SH3GLB1: variants seen among roughly 807,000 people sequenced by gnomAD.
The protein encoded by SH3GLB1 is SH3 domain containing GRB2 like, endophilin B1.
A neutral mutation model predicts 42.0 loss-of-function variants in SH3GLB1; 17 were observed. That is an observed-to-expected ratio of 0.40 (90% CI 0.28 to 0.61). The LOEUF (loss-of-function observed/expected upper bound fraction) is 0.61, where lower values mean the gene tolerates loss of function less well. Among genes scored for constraint, SH3GLB1 ranks in the 20% least tolerant of loss-of-function variants. SH3GLB1 has a pLI of 0.36. For missense variants in SH3GLB1, 355 were observed against 426.3 expected (o/e 0.83, Z 1.47); for synonymous variants, 132 against 146.6 (o/e 0.90, Z 0.72).
rs757116679 is a variant in SH3GLB1 at position 86,705,174 on chromosome 1, C to T, written c.72+203C>T. ...CCCGCTCCTGCCCAACCGCCGCTCCCTGGGAAGCGAGGCGGGGTGGGGACG... is the reference window on the plus strand; with the variant it reads ...CCCGCTCCTGCCCAACCGCCGCTCCTTGGGAAGCGAGGCGGGGTGGGGACG... On this transcript the variant is annotated intron_variant, in intron 1 of 8. Transcript: ENST00000370558. Among the ~76,000 whole-genome samples the T allele has an allele frequency of 3.1e-3, 468 of 151,734 alleles. 1 individual carries two copies. Among genetic ancestry groups the T allele is most frequent in the Non-Finnish European group, 5.9e-3 (402 of 67,612 alleles).
intron 4 of SH3GLB1, 55 bp downstream of exon 4, chr1:86,722,728 T>G: frequency 7.0e-7 from 1 of 1,436,386 alleles, no homozygotes; most frequent in Admixed American, 2.3e-5. Flanking sequence ...ATATATACTT[T>G]TTAATGAATA....
At chr1:86,710,511 C>T (rs537874746) in intron 1 of SH3GLB1, among the ~76,000 whole-genome samples, 1 of 152,166 alleles carries the variant, frequency 6.6e-6, no homozygotes, top group East Asian at 1.9e-4. Context: ...GTGATCCACC[C>T]GCCTCAGCCT....
chr1:86,740,498 C>T (rs1304855006), intron 7 of SH3GLB1, among the ~76,000 whole-genome samples: 2 of 152,122 alleles, frequency 1.3e-5, no homozygotes, highest in African/African-American at 4.8e-5. Flanking sequence ...GAAATGAGAG[C>T]ATATCTAAGA....
In SH3GLB1 at chr1:86,745,920, T is replaced by A. The variant is rs958281416; in HGVS notation, c.*2685T>A. 4 of 152,530 alleles carry A rather than the reference T, an allele frequency of 2.6e-5. No homozygotes were observed. Among genetic ancestry groups the A allele is most frequent in the Admixed American group, 2.6e-4 (4 of 15,264 alleles). 9.4% of individuals were successfully genotyped at this position (152,530 alleles called of 1,614,324 possible). ...AAGGATGCACATATGAATGAAAAAC[T>A]AAAATAATTGTAGGCTCTTCTATAA... On this transcript the variant is annotated 3_prime_UTR_variant, in exon 9 of 9. Transcript: ENST00000370558.
intron 5 of SH3GLB1, among the ~76,000 whole-genome samples, chr1:86,728,898 C>A (rs1484273465): frequency 6.6e-6 from 1 of 152,112 alleles, no homozygotes; most frequent in East Asian, 1.9e-4. Flanking sequence ...CCAAACTCAA[C>A]ATAGAATTAA....
intron 4 of SH3GLB1, among the ~76,000 whole-genome samples, chr1:86,723,279 A>G (rs528802320): frequency 3.9e-5 from 6 of 152,298 alleles, no homozygotes; most frequent in South Asian, 2.1e-4. Flanking sequence ...TGGGAGGTCA[A>G]GGTGGGTGGA....
In SH3GLB1 at chr1:86,735,548, T is replaced by C. The variant is rs11580737; in HGVS notation, c.761+369T>C. Among the ~76,000 whole-genome samples the C allele has an allele frequency of 2.6e-3, 393 of 152,352 alleles. 1 individual carries two copies. The highest frequency in any genetic ancestry group is 4.7e-3 in the Non-Finnish European group (320 of 68,030). ...TATACTTATTCATTACTCATCTGTT[T>C]ACTATATTGAAAAAAAGTTTTAGAA... On this transcript the variant is annotated intron_variant, in intron 7 of 8. Coordinates refer to ENST00000370558, the MANE Select transcript of SH3GLB1 (RefSeq NM_016009.5).
chr1:86,730,306 G>A (rs1356900098), intron 5 of SH3GLB1: 1 of 985,262 alleles, frequency 1.0e-6, no homozygotes, highest in Non-Finnish European at 1.2e-6. Flanking sequence ...CAATGCTGCA[G>A]AGATGTGGTT....
At chr1:86,708,767 T>G (rs1654021016) in intron 1 of SH3GLB1, among the ~76,000 whole-genome samples, 1 of 152,228 alleles carries the variant, frequency 6.6e-6, no homozygotes, top group South Asian at 2.1e-4. Flanking sequence ...ATCCATCTTT[T>G]TAGTCCAAAC....
At chr1:86,712,724 CAT>C (rs1281993359) in intron 1 of SH3GLB1, among the ~76,000 whole-genome samples, 1 of 151,676 alleles carries the variant, frequency 6.6e-6, no homozygotes, top group Non-Finnish European at 1.5e-5. Flanking sequence ...CTGTCTCACT[CAT>C]GTGTAAGGGT....
intron 3 of SH3GLB1, among the ~76,000 whole-genome samples, chr1:86,722,010 C>CTTTTTTT (rs377380040): frequency 9.9e-5 from 11 of 111,610 alleles, no homozygotes; most frequent in East Asian, 2.5e-4. Flanking sequence ...AGGCAACCAT[C>CTTTTTTT]TTTTTTTTTT....
chr1:86,722,772 G>T, intron 4 of SH3GLB1, 99 bp downstream of exon 4: 1 of 974,106 alleles, frequency 1.0e-6, no homozygotes, highest in Non-Finnish European at 1.4e-6. Context: ...AGATGTAGTG[G>T]ATTACAAAAT....
intron 1 of SH3GLB1, among the ~76,000 whole-genome samples, chr1:86,708,183 A>C (rs1653984168): frequency 6.6e-6 from 1 of 152,236 alleles, no homozygotes; most frequent in Non-Finnish European, 1.5e-5. Flanking sequence ...GTTTTCAACA[A>C]AACACTGCTT....
At chr1:86,711,986 A>C (rs1318960024) in intron 1 of SH3GLB1, among the ~76,000 whole-genome samples, 2 of 152,130 alleles carry the variant, frequency 1.3e-5, no homozygotes, top group African/African-American at 4.8e-5. Context: ...GCTTTAGAGA[A>C]AATGTATTAA....
At chr1:86,731,903 A>T (rs1164850421) in intron 5 of SH3GLB1, among the ~76,000 whole-genome samples, 1 of 152,128 alleles carries the variant, frequency 6.6e-6, no homozygotes, top group Non-Finnish European at 1.5e-5. Flanking sequence ...AGCATGGTGA[A>T]ACCCTGTCTC....
intron 5 of SH3GLB1, chr1:86,730,399 G>C: frequency 1.0e-6 from 1 of 983,070 alleles, no homozygotes; most frequent in Non-Finnish European, 1.2e-6. Flanking sequence ...CAGGCGAAAT[G>C]CTTGTTAATG....
intron 7 of SH3GLB1, among the ~76,000 whole-genome samples, chr1:86,740,677 T>C (rs935889848): frequency 6.6e-6 from 1 of 152,154 alleles, no homozygotes; most frequent in Non-Finnish European, 1.5e-5. Flanking sequence ...TGGTAAGATC[T>C]AGATGTGACT....
chr1:86,739,114 G>A (rs80350812), intron 7 of SH3GLB1, among the ~76,000 whole-genome samples: 4,956 of 152,314 alleles, frequency 0.033, 118 homozygotes, highest in Middle Eastern at 0.11. Context: ...ACATTTAAGT[G>A]GAGGTATCCA....
At chr1:86,711,430 A>T (rs1004162585) in intron 1 of SH3GLB1, among the ~76,000 whole-genome samples, 1 of 152,194 alleles carries the variant, frequency 6.6e-6, no homozygotes, top group African/African-American at 2.4e-5. Flanking sequence ...CCACTTTGCC[A>T]TATTACAAAT....
Sources: allele counts gnomAD v4.1 joint callset (sites outside exome capture counted in the v4.1 genomes callset), GRCh38; gene constraint gnomAD v4.1.1; transcripts MANE v1.5; gene names NCBI Gene and HGNC (gene_info 2026-07-23, HGNC 2026-07-21).